Variants in STOX1 observed in about 807,000 individuals in gnomAD.
STOX1 encodes the protein storkhead box 1.
STOX1 carries 57 observed loss-of-function variants against 74.8 expected under a neutral mutation model. The observed-to-expected ratio is 0.76, with a 90% CI of 0.62 to 0.95. STOX1 has a LOEUF of 0.95. Ranked by LOEUF, STOX1 falls within the 40% of genes least tolerant of loss-of-function variation. The probability of loss-of-function intolerance (pLI) is 0.00; values close to 1 mark genes in which losing one functional copy is unlikely to be tolerated. For missense variants in STOX1, 1,010 were observed against 1,117.0 expected, an observed-to-expected ratio of 0.90 and a Z score of 1.37; for synonymous variants, 375 against 401.3, an observed-to-expected ratio of 0.93 and a Z score of 0.78.
intron 1 of STOX1, among the ~76,000 whole-genome samples, chr10:68,873,652 T>C (rs12258236): frequency 3.4e-5 from 2 of 59,546 alleles, no homozygotes; most frequent in Admixed American, 1.6e-4. Context: ...TTTTTTTTTC[T>C]TTTTTTTTTT....
chr10:68,851,027 G>T (rs1373479507), intron 1 of STOX1, among the ~76,000 whole-genome samples: 2 of 151,404 alleles, frequency 1.3e-5, no homozygotes, highest in African/African-American at 4.9e-5. Context: ...AAGCAAGAGA[G>T]GCCAGGTGCG....
chr10:68,853,938 G>A (rs562938141), intron 1 of STOX1, among the ~76,000 whole-genome samples: 2 of 151,574 alleles, frequency 1.3e-5, no homozygotes, highest in Non-Finnish European at 2.9e-5. Context: ...GCCTGTCTTG[G>A]CCTCCCAAAG....
intron 1 of STOX1, chr10:68,828,882 G>A (rs1020214410): frequency 2.8e-6 from 2 of 709,474 alleles, no homozygotes; most frequent in South Asian, 6.4e-5. Flanking sequence ...AAACTTAACT[G>A]TTTGTTAGAC....
chr10:68,846,125 A>T (rs201237698), intron 1 of STOX1, among the ~76,000 whole-genome samples: 1,687 of 59,678 alleles, frequency 0.028, 36 homozygotes, highest in Admixed American at 0.099. Context: ...GGTTTTTATT[A>T]TTATTATTAT....
chr10:68,864,441 T>C (rs1308565646), intron 1 of STOX1, among the ~76,000 whole-genome samples: 16 of 152,242 alleles, frequency 1.1e-4, no homozygotes. Context: ...CAAAGTCAGA[T>C]AAATGGGTTT....
chr10:68,827,543 T>A lies in STOX1; in HGVS notation c.-81T>A. The A allele has an allele frequency of 1.0e-6, 1 of 956,028 alleles. No homozygotes were observed. The highest frequency in any genetic ancestry group is 1.3e-6 in the Non-Finnish European group (1 of 778,692). 59.2% of individuals were successfully genotyped at this position (956,028 alleles called of 1,614,324 possible). A position where few individuals can be genotyped will look rare whatever the true frequency, so the allele number is the denominator to read the frequency against. ...CGCGGACCCGCGCGCAGTCGGCCGA[T>A]CCTCCCGCCGAGCGAGCGGCGTCGT... On this transcript the variant is annotated 5_prime_UTR_variant, in exon 1 of 4. Transcript: ENST00000298596.
chr10:68,840,250 T>C (rs188811673), intron 1 of STOX1, among the ~76,000 whole-genome samples: 1 of 152,324 alleles, frequency 6.6e-6, no homozygotes, highest in East Asian at 1.9e-4. Flanking sequence ...AAAAGCTTAA[T>C]GACATAGATT....
intron 1 of STOX1, among the ~76,000 whole-genome samples, chr10:68,848,788 C>G (rs1839912515): frequency 1.3e-5 from 2 of 152,074 alleles, no homozygotes; most frequent in African/African-American, 4.8e-5. Flanking sequence ...CCTCAGCCAT[C>G]CAAGTAGCTA....
At chr10:68,892,463 T>C in intron 3 of STOX1, 126 bp from the exon 4 acceptor site, 1 of 875,284 alleles carries the variant, frequency 1.1e-6, no homozygotes, top group South Asian at 1.5e-5. Flanking sequence ...GGTTAACTTA[T>C]TTGATAAGTG....
chr10:68,869,315 A>T (rs1277710279), intron 1 of STOX1, among the ~76,000 whole-genome samples: 3 of 152,344 alleles, frequency 2.0e-5, no homozygotes, highest in Non-Finnish European at 4.4e-5. Flanking sequence ...TAGATAATAA[A>T]TATATGCTGG....
intron 1 of STOX1, among the ~76,000 whole-genome samples, chr10:68,853,708 C>T (rs113294708): frequency 0.035 from 5,301 of 151,542 alleles, 375 homozygotes; most frequent in African/African-American, 0.12. Flanking sequence ...TTTTTTGAGA[C>T]GGAGTTTCAC....
intron 1 of STOX1, among the ~76,000 whole-genome samples, chr10:68,866,574 A>G (rs10823263): frequency 0.28 from 42,787 of 152,118 alleles, 6,526 homozygotes; most frequent in African/African-American, 0.39. Flanking sequence ...AGAGGTAGAT[A>G]AAATGATTTG....
chr10:68,884,414 G>T lies in STOX1; in HGVS notation c.618G>T (p.Leu206=), dbSNP rs1439854399. The T allele has an allele frequency of 6.2e-7, 1 of 1,614,028 alleles. No individual in the cohort carries two copies. Among genetic ancestry groups the T allele is most frequent in the Non-Finnish European group, 8.5e-7 (1 of 1,180,032 alleles). The change falls in exon 3 of 4, where the codon CTG becomes CTT. Residue 206 remains leucine, a synonymous_variant. Coordinates refer to ENST00000298596, the MANE Select transcript of STOX1 (RefSeq NM_152709.5). The part of the protein sequence containing the change: ...NTTTQENKRM[L]PSDESRLMPA... ...CCACCCAGGAAAATAAGAGAATGCT[G>T]CCATCAGATGAAAGTCGCCTGATGC...
At position 68,846,099 on chromosome 10, in the gene STOX1, A is replaced by G. The variant is rs372208319; in HGVS notation, c.310+18166A>G. Reference sequence around the variant, plus strand: ...TTTCATGTTAATTTTTGTATGTGGTACAAGTTATGGCTTGAGGTTTTTATT... The same window carrying G: ...TTTCATGTTAATTTTTGTATGTGGTGCAAGTTATGGCTTGAGGTTTTTATT... On this transcript the variant is annotated intron_variant, in intron 1 of 3. Coordinates refer to ENST00000298596, the MANE Select transcript of STOX1 (RefSeq NM_152709.5). Among the ~76,000 whole-genome samples the G allele has an allele frequency of 1.2e-3, 179 of 148,002 alleles. 1 individual carries two copies. In the South Asian group the frequency reaches 0.038, roughly 31 times the overall value.
chr10:68,845,659 TG>T (rs1839824109), intron 1 of STOX1, among the ~76,000 whole-genome samples: 1 of 151,724 alleles, frequency 6.6e-6, no homozygotes, highest in Non-Finnish European at 1.5e-5. Context: ...TGGAGTGCAG[TG>T]GCAAGATCTT....
intron 1 of STOX1, among the ~76,000 whole-genome samples, chr10:68,834,981 C>G (rs1361557910): frequency 6.6e-6 from 1 of 151,986 alleles, no homozygotes; most frequent in Admixed American, 6.6e-5. Flanking sequence ...GCGTTGGCCT[C>G]CCAAAGTGCT....
downstream of STOX1, among the ~76,000 whole-genome samples, chr10:68,894,632 A>G (rs936753811): frequency 2.0e-5 from 3 of 152,182 alleles, no homozygotes; most frequent in African/African-American, 7.2e-5. Flanking sequence ...TATAGAAAAG[A>G]CTTGTAGGGG....
At chr10:68,846,969 T>A (rs1839871728) in intron 1 of STOX1, 2 of 152,202 alleles carry the variant, frequency 1.3e-5, no homozygotes, top group Non-Finnish European at 2.9e-5. Context: ...ATCTTAACAA[T>A]CAATATTGGG....
Position 68,885,196 on chromosome 10 carries a change from CAAATG to C in STOX1, c.1406_1410del (p.Glu469GlyfsTer8). ...CAGCCCATCCCCAGAATTAAAAGCCCAAATGAAATGGTAGGTCAGAAACCACTTGG... is the reference window on the plus strand; with the variant it reads ...CAGCCCATCCCCAGAATTAAAAGCCCAAATGGTAGGTCAGAAACCACTTGG... On this transcript the variant is annotated frameshift_variant, in exon 3 of 4. Transcript: ENST00000298596. LOFTEE classifies it high-confidence loss of function. 1 of 1,614,132 alleles carries C rather than the reference CAAATG, an allele frequency of 6.2e-7. No homozygotes were observed. Among genetic ancestry groups the C allele is most frequent in the Non-Finnish European group, 8.5e-7 (1 of 1,180,030 alleles).
Sources: allele counts gnomAD v4.1 joint callset (sites outside exome capture counted in the v4.1 genomes callset), GRCh38; gene constraint gnomAD v4.1.1; transcripts MANE v1.5; gene names NCBI Gene and HGNC (gene_info 2026-07-23, HGNC 2026-07-21).